Variants in DIS3L2 observed in about 807,000 individuals in gnomAD.
DIS3L2 encodes DIS3 like 3'-5' exoribonuclease 2.
Under a neutral mutation model 97.5 loss-of-function variants are expected in DIS3L2, and 34 were observed. The observed-to-expected ratio is 0.35, with a 90% CI of 0.27 to 0.46. The LOEUF is 0.46. Ranked by LOEUF, DIS3L2 falls within the 20% of genes least tolerant of loss-of-function variation. DIS3L2 has a pLI of 1.00. For synonymous variants in DIS3L2, 435 were observed against 445.2 expected (o/e 0.98, Z 0.29); for missense variants, 1,038 against 1,146.0 (o/e 0.91, Z 1.36).
intron 10 of DIS3L2, among the ~76,000 whole-genome samples, chr2:232,236,973 C>T (rs540250215): frequency 2.6e-4 from 39 of 152,280 alleles, no homozygotes; most frequent in African/African-American, 9.1e-4. Flanking sequence ...TGGTCTCAAA[C>T]TCCTGGCCTC....
Position 232,292,437 on chromosome 2 carries a change from G to A in DIS3L2, c.1660-7603G>A, listed in dbSNP as rs189257103. Among the ~76,000 whole-genome samples the A allele has an allele frequency of 4.2e-3, 633 of 152,256 alleles. 9 individuals carry two copies. The highest frequency in any genetic ancestry group is 0.015 in the African/African-American group (615 of 41,546). On this transcript the variant is annotated intron_variant, in intron 13 of 20. Coordinates refer to ENST00000325385, the MANE Select transcript of DIS3L2 (RefSeq NM_152383.5). This position sits in a 1 kb window ranked among gnomAD's most constrained non-coding sequence, Gnocchi z 4.4. The stretch of plus-strand genomic sequence containing the variant: ...TCCTACCCAGAAAGCTCAGACGGGC[G>A]GAAGGAGGGCCTCTCAAAGGCCCAA...
At chr2:232,329,789 T>TGGGGGGCCCCCC in intron 14 of DIS3L2, 24 bp from the exon 15 acceptor site, 1 of 368,622 alleles carries the variant, frequency 2.7e-6, no homozygotes, top group Non-Finnish European at 5.1e-6. Flanking sequence ...CAGCGGTCCC[T>TGGGGGGCCCCCC]CCCATCCCAC....
intron 5 of DIS3L2, among the ~76,000 whole-genome samples, chr2:232,049,179 T>A (rs1341903797): frequency 6.6e-6 from 1 of 152,174 alleles, no homozygotes; most frequent in African/African-American, 2.4e-5. Flanking sequence ...TTTTAATTTT[T>A]TATGATTTTT....
intron 14 of DIS3L2, among the ~76,000 whole-genome samples, chr2:232,318,501 G>A (rs551569376): frequency 3.0e-4 from 45 of 152,298 alleles, no homozygotes; most frequent in African/African-American, 9.9e-4. Context: ...ACAGCCCATC[G>A]AGGAAGACAG....
At chr2:232,307,043 C>G (rs1695002903) in intron 14 of DIS3L2, among the ~76,000 whole-genome samples, 1 of 152,266 alleles carries the variant, frequency 6.6e-6, no homozygotes, top group East Asian at 1.9e-4. Flanking sequence ...TTCCACACCC[C>G]TCACAGGCAC....
At chr2:232,288,981 A>G (rs114179713) in intron 13 of DIS3L2, among the ~76,000 whole-genome samples, 3,296 of 152,242 alleles carry the variant, frequency 0.022, 119 homozygotes, top group African/African-American at 0.074. Context: ...AGAATTTGAC[A>G]TCTGTAAGGG....
At chr2:232,200,411 T>C (rs1210421114) in intron 9 of DIS3L2, among the ~76,000 whole-genome samples, 1 of 152,184 alleles carries the variant, frequency 6.6e-6, no homozygotes, top group Non-Finnish European at 1.5e-5. Context: ...GAATTTGGGC[T>C]CCTTAGGGAA....
chr2:232,218,943 C>T (rs1224576334), intron 10 of DIS3L2, among the ~76,000 whole-genome samples: 1 of 152,194 alleles, frequency 6.6e-6, no homozygotes, highest in Non-Finnish European at 1.5e-5. Flanking sequence ...TCCTGCCACC[C>T]CACTTCCCAG....
chr2:232,038,878 G>A lies in DIS3L2; in HGVS notation c.366+8798G>A, dbSNP rs147635625. 3.0e-3 allele frequency among the ~76,000 whole-genome samples: 457 copies of A among 152,272 alleles called. 3 individuals are homozygous for A. Among genetic ancestry groups the A allele is most frequent in the Admixed American group, 7.1e-3 (109 of 15,304 alleles). On this transcript the variant is annotated intron_variant, in intron 5 of 20. Transcript: ENST00000325385. The stretch of plus-strand genomic sequence containing the variant: ...TTAAAACTGAATACAACAAAGTTGT[G>A]TTTCTCCCTAGAGGCCTAATTTTAT...
At chr2:232,330,608 A>G in intron 15 of DIS3L2, 82 bp from the exon 16 acceptor site, 1 of 1,415,198 alleles carries the variant, frequency 7.1e-7, no homozygotes, top group Non-Finnish European at 1.0e-6. Context: ...GCCGGGCATG[A>G]GGTGCTCAGC....
chr2:232,009,481 A>G (rs1405435595), intron 1 of DIS3L2, among the ~76,000 whole-genome samples: 3 of 151,600 alleles, frequency 2.0e-5, no homozygotes, highest in Admixed American at 1.3e-4. Context: ...TTTATTTTTC[A>G]GTATGGCTGT....
intron 1 of DIS3L2, among the ~76,000 whole-genome samples, chr2:231,970,735 C>G (rs1382812705): frequency 6.6e-6 from 1 of 152,150 alleles, no homozygotes; most frequent in African/African-American, 2.4e-5. Flanking sequence ...TTAAGCTATA[C>G]TGAATTTATA....
At chr2:232,116,213 A>G (rs535157474) in intron 6 of DIS3L2, among the ~76,000 whole-genome samples, 1 of 151,700 alleles carries the variant, frequency 6.6e-6, no homozygotes, top group African/African-American at 2.4e-5. Flanking sequence ...TAAATAAATA[A>G]ATAAATAAAA....
At chr2:232,304,595 C>G (rs1694941503) in intron 14 of DIS3L2, among the ~76,000 whole-genome samples, 1 of 152,224 alleles carries the variant, frequency 6.6e-6, no homozygotes, top group African/African-American at 2.4e-5. Context: ...GCTCCTTTCT[C>G]TCCATCCCCA....
intron 6 of DIS3L2, among the ~76,000 whole-genome samples, chr2:232,129,720 T>C (rs775491145): frequency 5.9e-5 from 9 of 152,218 alleles, no homozygotes; most frequent in Non-Finnish European, 1.3e-4. Flanking sequence ...CTGAAAAGGA[T>C]TGATTTATTT....
At chr2:232,040,335 A>G (rs1695074944) in intron 5 of DIS3L2, among the ~76,000 whole-genome samples, 1 of 152,174 alleles carries the variant, frequency 6.6e-6, no homozygotes, top group Non-Finnish European at 1.5e-5. Flanking sequence ...AGACATTGGA[A>G]GAAGTAGTGG....
At chr2:232,028,871 G>C (rs1694730635) in intron 4 of DIS3L2, among the ~76,000 whole-genome samples, 1 of 152,164 alleles carries the variant, frequency 6.6e-6, no homozygotes, top group South Asian at 2.1e-4. Context: ...TTGGCAGAGT[G>C]TGCAAGCCAC....
chr2:232,075,758 C>G (rs763161897), intron 5 of DIS3L2, among the ~76,000 whole-genome samples: 6 of 152,168 alleles, frequency 3.9e-5, no homozygotes, highest in Non-Finnish European at 7.3e-5. Context: ...CTTCCTTCCC[C>G]TTCCCCTTGC....
At chr2:232,265,476 C>T (rs1034909532) in intron 13 of DIS3L2, among the ~76,000 whole-genome samples, 5 of 152,346 alleles carry the variant, frequency 3.3e-5, no homozygotes, top group African/African-American at 7.2e-5. Context: ...CTCTGTAAAA[C>T]GCAGTGATCA....
Sources: gnomAD v4.1 joint callset for allele counts (sites outside exome capture counted in the v4.1 genomes callset) on GRCh38, gnomAD v4.1.1 for gene constraint, Gnocchi (gnomAD v3.1) non-coding constraint, MANE v1.5 for transcripts, NCBI Gene and HGNC (gene_info 2026-07-23, HGNC 2026-07-21) for gene names.